The following MPPED1 variants were observed in gnomAD, a reference collection of about 807,000 sequenced individuals.
MPPED1 encodes the protein metallophosphoesterase domain containing 1.
Under a neutral mutation model 36.2 loss-of-function variants are expected in MPPED1, and 16 were observed. That is an observed-to-expected ratio of 0.44 (90% CI 0.30 to 0.67). The LOEUF (loss-of-function observed/expected upper bound fraction) is 0.67. MPPED1 is among the 30% of genes least tolerant of loss of function. MPPED1 has a pLI of 0.10. For synonymous variants in MPPED1, 199 were observed against 191.3 expected (o/e 1.04, Z -0.33); for missense variants, 307 against 453.4 (o/e 0.68, Z 2.93).
chr22:43,432,537 A>G (rs1929751083), intron 2 of MPPED1, among the ~76,000 whole-genome samples: 1 of 97,748 alleles, frequency 1.0e-5, no homozygotes, highest in Non-Finnish European at 2.0e-5. Context: ...AGATAAAGGG[A>G]GGAGAGAAAG....
intron 4 of MPPED1, among the ~76,000 whole-genome samples, 190 bp from the exon 5 acceptor site, chr22:43,498,045 G>A (rs1932488870): frequency 6.6e-6 from 1 of 151,180 alleles, no homozygotes; most frequent in Non-Finnish European, 1.5e-5. Context: ...AGAATTGCCT[G>A]GGGACCCACA....
At chr22:43,434,909 C>A (rs1569068396) in intron 2 of MPPED1, 125 bp from the exon 3 acceptor site, 8 of 1,054,842 alleles carry the variant, frequency 7.6e-6, no homozygotes, top group Non-Finnish European at 9.7e-6. Context: ...CGTCCAGTCC[C>A]TGGTCTGGTG....
At chr22:43,494,368 G>A (rs1179524063) in intron 4 of MPPED1, among the ~76,000 whole-genome samples, 12 of 152,176 alleles carry the variant, frequency 7.9e-5, no homozygotes, top group Non-Finnish European at 1.5e-5. Flanking sequence ...ATGGTTGCTG[G>A]TGATGCTAGT....
intron 3 of MPPED1, among the ~76,000 whole-genome samples, chr22:43,448,484 C>T (rs1930441607): frequency 6.6e-6 from 1 of 152,190 alleles, no homozygotes; most frequent in South Asian, 2.1e-4. Context: ...GGTGCAAAAG[C>T]TGAGCTCAGC....
In MPPED1 at chr22:43,425,220, C is replaced by G. The variant is rs553998321; in HGVS notation, c.224+11C>G. The G allele has an allele frequency of 7.3e-7, 1 of 1,376,854 alleles. No individual in the cohort carries two copies. Among genetic ancestry groups the G allele is most frequent in the Non-Finnish European group, 9.8e-7 (1 of 1,016,214 alleles). The allele number at this position is 1,376,854 out of a possible 1,614,324, so 85.3% of individuals were successfully genotyped here. On this transcript the variant is annotated intron_variant, in intron 2 of 6. Transcript: ENST00000443721. ...ACCGCATGTGCAGATGTAAGTGGGA[C>G]CGGTGGGGTGGGGGTGGGGGCGGTG...
intron 1 of MPPED1, chr22:43,416,884 G>C: frequency 1.7e-6 from 1 of 586,660 alleles, no homozygotes; most frequent in East Asian, 1.4e-4. Flanking sequence ...TTTGCGTCTC[G>C]GGGCTCGTTC....
At chr22:43,464,112 T>C (rs548512338) in intron 3 of MPPED1, among the ~76,000 whole-genome samples, 34 of 152,120 alleles carry the variant, frequency 2.2e-4, no homozygotes, top group African/African-American at 8.2e-4. Flanking sequence ...TTTCACCATG[T>C]TGACCAGGCT....
chr22:43,420,627 C>G (rs1445881807), intron 1 of MPPED1, among the ~76,000 whole-genome samples: 1 of 152,112 alleles, frequency 6.6e-6, no homozygotes, highest in Non-Finnish European at 1.5e-5. Flanking sequence ...GTCTCGAACT[C>G]CCGACCTCAG....
chr22:43,471,689 C>T (rs535906700), intron 3 of MPPED1, among the ~76,000 whole-genome samples: 1 of 152,330 alleles, frequency 6.6e-6, no homozygotes, highest in South Asian at 2.1e-4. Context: ...CTGAGCCTCA[C>T]TGGAGAGGGC....
chr22:43,500,082 GTGA>G (rs1932621941), intron 5 of MPPED1, among the ~76,000 whole-genome samples: 2 of 119,954 alleles, frequency 1.7e-5, no homozygotes, highest in Admixed American at 7.9e-5. Context: ...GGAGGTGGTG[GTGA>G]TGGCGATGGA....
chr22:43,489,231 G>A (rs1440467455), intron 4 of MPPED1, among the ~76,000 whole-genome samples: 1 of 152,132 alleles, frequency 6.6e-6, no homozygotes, highest in Non-Finnish European at 1.5e-5. Context: ...TTCGCCTCCA[G>A]GAGGGGCTGC....
At position 43,433,069 on chromosome 22, in the gene MPPED1, G is replaced by A. The variant is rs551162923; in HGVS notation, c.225-1965G>A. Among the ~76,000 whole-genome samples the A allele has an allele frequency of 2.6e-5, 4 of 152,202 alleles. No homozygotes were observed. The South Asian group carries it at 6.2e-4, about 24-fold the overall frequency. ...CTTGGTCTGATCAGCTGTGTGTGGG[G>A]GGGCGGCAGGGTATGTAGGTCACAC... On this transcript the variant is annotated intron_variant, in intron 2 of 6. Transcript: ENST00000443721.
At chr22:43,496,236 A>T (rs1188391699) in intron 4 of MPPED1, among the ~76,000 whole-genome samples, 15 of 34,090 alleles carry the variant, frequency 4.4e-4, no homozygotes, top group Admixed American at 5.2e-4. Context: ...GTGGTGGTGG[A>T]GGTGGTGGTG....
intron 3 of MPPED1, among the ~76,000 whole-genome samples, chr22:43,460,272 C>CG (rs1984972597): frequency 6.8e-6 from 1 of 147,412 alleles, no homozygotes; most frequent in African/African-American, 2.5e-5. Flanking sequence ...AACCCCCCCC[C>CG]CCAAACCCAA....
rs376488829 is a variant in MPPED1 at position 43,440,310 on chromosome 22, G to A, written c.406+5095G>A. On this transcript the variant is annotated intron_variant, in intron 3 of 6. Transcript: ENST00000443721. The stretch of plus-strand genomic sequence containing the variant: ...AGTGATCTGAGAAGACTCAGGGAGC[G>A]TAAGTTGAGTTGGGGTCTCAAGGAC... Among the ~76,000 whole-genome samples, 15 of 152,352 alleles carry A rather than the reference G, an allele frequency of 9.8e-5. 1 individual carries two copies. The East Asian group carries it at 2.1e-3, about 22-fold the overall frequency.
chr22:43,417,092 G>C, intron 1 of MPPED1: 1 of 800,976 alleles, frequency 1.2e-6, no homozygotes, highest in Non-Finnish European at 1.5e-6. Context: ...GGGGGGTGGC[G>C]GTGGTGAGGA....
chr22:43,421,218 G>A (rs1347812449), intron 1 of MPPED1, among the ~76,000 whole-genome samples: 1 of 152,248 alleles, frequency 6.6e-6, no homozygotes, highest in Non-Finnish European at 1.5e-5. Flanking sequence ...CGGCTGCACG[G>A]CGGAGAATGC....
chr22:43,418,418 C>A (rs994432129), intron 1 of MPPED1: 2 of 313,882 alleles, frequency 6.4e-6, no homozygotes, highest in Non-Finnish European at 1.3e-5. Flanking sequence ...CAGAGAGGGG[C>A]CACCAGAATG....
chr22:43,470,646 A>T (rs572650188), intron 3 of MPPED1, among the ~76,000 whole-genome samples: 1 of 152,350 alleles, frequency 6.6e-6, no homozygotes, highest in South Asian at 2.1e-4. Flanking sequence ...AGTACACCTC[A>T]GGATACCGCC....
Sources: allele counts gnomAD v4.1 joint callset (sites outside exome capture counted in the v4.1 genomes callset), GRCh38; gene constraint gnomAD v4.1.1; transcripts MANE v1.5; gene names NCBI Gene and HGNC (gene_info 2026-07-23, HGNC 2026-07-21).